The following FGF2 variants were observed in gnomAD, a reference collection of about 807,000 sequenced individuals.
FGF2 encodes basic fibroblast growth factor bFGF.
In FGF2, 13 loss-of-function variants were observed where a neutral mutation model predicts 15.9. The observed-to-expected ratio is 0.82, with a 90% confidence interval of 0.53 to 1.30. The LOEUF is 1.30. FGF2 is among the 50% of genes most tolerant of loss of function. The pLI is 0.00. For missense variants in FGF2, 163 were observed against 196.9 expected, an observed-to-expected ratio of 0.83 and a Z score of 1.03; for synonymous variants, 90 against 78.4, an observed-to-expected ratio of 1.15 and a Z score of -0.78.
intron 1 of FGF2, among the ~76,000 whole-genome samples, chr4:122,869,118 A>G (rs1726670349): frequency 6.6e-6 from 1 of 152,178 alleles, no homozygotes; most frequent in African/African-American, 2.4e-5. Flanking sequence ...CTTTAGTTTA[A>G]TTAGATCCCA....
chr4:122,832,764 A>T, intron 1 of FGF2, among the ~76,000 whole-genome samples: 1 of 152,220 alleles, frequency 6.6e-6, no homozygotes, highest in East Asian at 1.9e-4. Context: ...CTGGATCATT[A>T]GAAAATGCAC....
rs186985577 is a variant in FGF2 at position 122,827,460 on chromosome 4, G to T, written c.178+108G>T. The T allele has an allele frequency of 2.5e-3, 3,232 of 1,317,606 alleles. 70 individuals are homozygous for T. In the African/African-American group the frequency reaches 0.042, roughly 17 times the overall value. 81.6% of individuals were successfully genotyped at this position (1,317,606 alleles called of 1,614,324 possible). ...CCCGGATCTTCACTGCGACCCTAGC[G>T]CTCCGTGTGGTTTCTGGCCGCGCGG... is the stretch of plus-strand genomic sequence containing the variant. On this transcript the variant is annotated intron_variant, in intron 1 of 2. Transcript: ENST00000644866. The surrounding 1 kb of genome is among the most constrained non-coding windows in gnomAD (Gnocchi z 4.2).
intron 1 of FGF2, among the ~76,000 whole-genome samples, chr4:122,837,791 TG>T (rs1216555765): frequency 6.6e-6 from 1 of 152,200 alleles, no homozygotes; most frequent in Non-Finnish European, 1.5e-5. Flanking sequence ...TTTTGCATTG[TG>T]GGTCCTCTTC....
chr4:122,849,386 G>A (rs1441526001), intron 1 of FGF2, among the ~76,000 whole-genome samples: 1 of 152,120 alleles, frequency 6.6e-6, no homozygotes, highest in Non-Finnish European at 1.5e-5. Context: ...TCAGTCATGA[G>A]TGGGAGTTGA....
chr4:122,871,559 A>G (rs1347741227), intron 1 of FGF2, among the ~76,000 whole-genome samples: 3 of 151,882 alleles, frequency 2.0e-5, no homozygotes, highest in African/African-American at 7.3e-5. Flanking sequence ...ACCCTCTAAC[A>G]GGGGGTTGTC....
At chr4:122,844,903 T>C (rs1341515293) in intron 1 of FGF2, among the ~76,000 whole-genome samples, 3 of 152,178 alleles carry the variant, frequency 2.0e-5, no homozygotes, top group Admixed American at 1.3e-4. Context: ...TCCCAAAATT[T>C]TGGAATTACA....
intron 1 of FGF2, among the ~76,000 whole-genome samples, chr4:122,851,177 T>G (rs1726224525): frequency 6.6e-6 from 1 of 152,148 alleles, no homozygotes; most frequent in Middle Eastern, 3.2e-3. Context: ...AAAGGGGCAG[T>G]GTGGTTCAGC....
intron 1 of FGF2, among the ~76,000 whole-genome samples, chr4:122,860,198 A>G (rs1401576567): frequency 6.6e-6 from 1 of 152,016 alleles, no homozygotes; most frequent in African/African-American, 2.4e-5. Context: ...CCTAGATACT[A>G]TTTGTTATCA....
chr4:122,828,421 T>G (rs1038519385), intron 1 of FGF2, among the ~76,000 whole-genome samples: 3 of 152,228 alleles, frequency 2.0e-5, no homozygotes, highest in Non-Finnish European at 2.9e-5. Context: ...TGTAAACATG[T>G]GTTTTAAAAG....
At chr4:122,885,890 C>A (rs527283860) in intron 2 of FGF2, among the ~76,000 whole-genome samples, 1 of 140,434 alleles carries the variant, frequency 7.1e-6, no homozygotes, top group East Asian at 2.0e-4. Context: ...GAATGTCCTT[C>A]AACTTGCTTG....
chr4:122,858,409 C>G (rs1267665413), intron 1 of FGF2, among the ~76,000 whole-genome samples: 2 of 145,014 alleles, frequency 1.4e-5, no homozygotes, highest in African/African-American at 5.1e-5. Context: ...ACTTTGTTTT[C>G]TTTTTGGAGA....
At chr4:122,841,454 T>C (rs963749670) in intron 1 of FGF2, among the ~76,000 whole-genome samples, 50 of 152,248 alleles carry the variant, frequency 3.3e-4, no homozygotes, top group African/African-American at 1.2e-3. Context: ...CTGTATAATA[T>C]TGTCTATGGC....
chr4:122,837,336 T>C (rs1725886872), intron 1 of FGF2, among the ~76,000 whole-genome samples: 1 of 152,124 alleles, frequency 6.6e-6, no homozygotes, highest in Non-Finnish European at 1.5e-5. Flanking sequence ...AATTCATAAG[T>C]TTTTAGGTGG....
At chr4:122,858,140 GTTC>G (rs1278718855) in intron 1 of FGF2, among the ~76,000 whole-genome samples, 1 of 152,114 alleles carries the variant, frequency 6.6e-6, no homozygotes, top group Non-Finnish European at 1.5e-5. Context: ...GGTGTCTAAT[GTTC>G]TTATTTATAA....
In FGF2 at chr4:122,872,858, C is replaced by T. The variant is rs3099832; in HGVS notation, c.179-3463C>T. On this transcript the variant is annotated intron_variant, in intron 1 of 2. Transcript: ENST00000644866. Reference sequence around the variant, plus strand: ...TTTGTCACCACCAGGCCTGCCTTACCGGAGCTCCTGAAAGGAGCACTCAAT... The same window carrying T: ...TTTGTCACCACCAGGCCTGCCTTACTGGAGCTCCTGAAAGGAGCACTCAAT... Among the ~76,000 whole-genome samples, 273 of 152,032 alleles carry T rather than the reference C, an allele frequency of 1.8e-3. 2 individuals carry two copies. Among genetic ancestry groups the T allele is most frequent in the African/African-American group, 6.1e-3 (254 of 41,450 alleles).
intron 1 of FGF2, among the ~76,000 whole-genome samples, chr4:122,833,581 C>T (rs918811901): frequency 2.0e-5 from 3 of 152,112 alleles, no homozygotes; most frequent in African/African-American, 7.2e-5. Flanking sequence ...ATGCTGGCAC[C>T]TTAAGGTAGG....
At chr4:122,831,919 CAA>C (rs1725772719) in intron 1 of FGF2, among the ~76,000 whole-genome samples, 1 of 152,162 alleles carries the variant, frequency 6.6e-6, no homozygotes, top group Admixed American at 6.5e-5. Flanking sequence ...ATGAACAAAA[CAA>C]GAACGGTTCT....
At chr4:122,831,022 C>T (rs1725755168) in intron 1 of FGF2, among the ~76,000 whole-genome samples, 1 of 152,100 alleles carries the variant, frequency 6.6e-6, no homozygotes, top group Non-Finnish European at 1.5e-5. Context: ...CTCTTTGCTA[C>T]TGCATGTGTT....
chr4:122,853,372 G>A lies in FGF2; in HGVS notation c.179-22949G>A, dbSNP rs1726274520. Among the ~76,000 whole-genome samples the A allele has an allele frequency of 2.0e-5, 3 of 152,148 alleles. No individual in the cohort carries two copies. The South Asian group carries it at 6.2e-4, about 32-fold the overall frequency. On this transcript the variant is annotated intron_variant, in intron 1 of 2. Transcript: ENST00000644866. ...ATGCCCTCCACCCTCCAGAATCAGA[G>A]TGTGATGAGGCAAGTTATTTAATAA...
Sources: gnomAD v4.1 joint callset for allele counts (sites outside exome capture counted in the v4.1 genomes callset) on GRCh38, gnomAD v4.1.1 for gene constraint, Gnocchi (gnomAD v3.1) non-coding constraint, MANE v1.5 for transcripts, NCBI Gene and HGNC (gene_info 2026-07-23, HGNC 2026-07-21) for gene names.